Variants in PSD3 observed in about 807,000 individuals in gnomAD.
PSD3 encodes the protein pleckstrin and Sec7 domain containing 3.
Under a neutral mutation model 105.5 loss-of-function variants are expected in PSD3, and 49 were observed. The ratio of observed to expected loss-of-function variants is 0.46; its 90% confidence interval spans 0.37 to 0.59. PSD3 has a LOEUF of 0.59. PSD3 is among the 20% of genes least tolerant of loss of function. The pLI, the probability that PSD3 is intolerant of heterozygous loss-of-function variation, is 0.00. For missense variants in PSD3, 1,561 were observed against 1,263.8 expected, an observed-to-expected ratio of 1.24 and a Z score of -3.57; for synonymous variants, 557 against 457.8, an observed-to-expected ratio of 1.22 and a Z score of -2.77.
At chr8:19,048,900 C>G (rs1828419270) in intron 1 of PSD3, among the ~76,000 whole-genome samples, 1 of 152,158 alleles carries the variant, frequency 6.6e-6, no homozygotes, top group Non-Finnish European at 1.5e-5. Flanking sequence ...AGGCCAAGAT[C>G]AAGGCATTGG....
chr8:18,644,607 G>A (rs747188683), intron 10 of PSD3, among the ~76,000 whole-genome samples: 3 of 152,116 alleles, frequency 2.0e-5, no homozygotes, highest in African/African-American at 7.2e-5. Context: ...GTCCCAGATG[G>A]TCCTTAAATT....
chr8:18,546,932 G>C (rs1338400274), intron 15 of PSD3, among the ~76,000 whole-genome samples: 1 of 152,158 alleles, frequency 6.6e-6, no homozygotes, highest in Non-Finnish European at 1.5e-5. Context: ...ATATTTGCTG[G>C]CTTGTACCTC....
intron 1 of PSD3, among the ~76,000 whole-genome samples, chr8:18,970,153 A>G (rs1024425884): frequency 6.6e-6 from 1 of 151,224 alleles, no homozygotes; most frequent in Admixed American, 6.6e-5. Context: ...GTGAAACCCC[A>G]TCTCTACTAA....
intron 1 of PSD3, among the ~76,000 whole-genome samples, chr8:18,957,745 C>T (rs1319469362): frequency 1.3e-5 from 2 of 152,224 alleles, no homozygotes; most frequent in Non-Finnish European, 2.9e-5. Flanking sequence ...TCTTATGAGG[C>T]TCTCTAGCAG....
At chr8:18,573,057 G>A (rs190395088) in intron 13 of PSD3, among the ~76,000 whole-genome samples, 1 of 152,308 alleles carries the variant, frequency 6.6e-6, no homozygotes, top group East Asian at 1.9e-4. Flanking sequence ...ATTGGTAGAG[G>A]GAAGGTAAAA....
At chr8:18,790,077 G>A (rs1258904736) in intron 8 of PSD3, among the ~76,000 whole-genome samples, 1 of 152,058 alleles carries the variant, frequency 6.6e-6, no homozygotes, top group Non-Finnish European at 1.5e-5. Context: ...AGAGGGTGGG[G>A]AAAGGGGACA....
chr8:18,984,143 T>C (rs1160459100), intron 1 of PSD3, among the ~76,000 whole-genome samples: 1 of 149,974 alleles, frequency 6.7e-6, no homozygotes, highest in Non-Finnish European at 1.5e-5. Context: ...AGTGGGAAAA[T>C]GATGCTGAAA....
chr8:18,744,958 T>A (rs534720609), intron 9 of PSD3, among the ~76,000 whole-genome samples: 122 of 152,264 alleles, frequency 8.0e-4, no homozygotes, highest in Non-Finnish European at 1.4e-3. Flanking sequence ...TATCTTGCAA[T>A]TTGGGTTTGG....
At chr8:18,874,150 A>T (rs1241967375) in intron 2 of PSD3, among the ~76,000 whole-genome samples, 2 of 151,592 alleles carry the variant, frequency 1.3e-5, no homozygotes, top group African/African-American at 2.4e-5. Flanking sequence ...TACCATTTTT[A>T]TTTTATTTTA....
At chr8:18,994,350 A>C (rs1825952435) in intron 1 of PSD3, among the ~76,000 whole-genome samples, 1 of 152,110 alleles carries the variant, frequency 6.6e-6, no homozygotes, top group Non-Finnish European at 1.5e-5. Context: ...GGTAGATTTT[A>C]AGATTACTGT....
At chr8:18,588,692 T>A (rs917246177) in intron 12 of PSD3, among the ~76,000 whole-genome samples, 3 of 152,210 alleles carry the variant, frequency 2.0e-5, no homozygotes, top group Non-Finnish European at 4.4e-5. Context: ...AGCAACCTTC[T>A]TGGAGCTCTA....
intron 1 of PSD3, among the ~76,000 whole-genome samples, chr8:18,943,051 A>G (rs1357854179): frequency 1.3e-5 from 2 of 152,198 alleles, no homozygotes; most frequent in Non-Finnish European, 2.9e-5. Context: ...ACAGCGATGT[A>G]TAATACTCTA....
chr8:18,728,802 C>T (rs1191765214), intron 9 of PSD3, among the ~76,000 whole-genome samples: 22 of 17,566 alleles, frequency 1.3e-3, no homozygotes, highest in African/African-American at 6.2e-3. Context: ...CTTTATATGT[C>T]AATTTTGAAA....
chr8:18,595,763 T>A (rs906431260), intron 12 of PSD3, among the ~76,000 whole-genome samples: 1 of 151,996 alleles, frequency 6.6e-6, no homozygotes, highest in Non-Finnish European at 1.5e-5. Context: ...CGTAAATATA[T>A]AGAGTAAACA....
intron 4 of PSD3, among the ~76,000 whole-genome samples, chr8:18,842,224 C>G (rs1210436405): frequency 6.6e-6 from 1 of 152,246 alleles, no homozygotes; most frequent in African/African-American, 2.4e-5. Context: ...CACAGCTACT[C>G]TATGCGACAT....
chr8:18,718,102 G>A (rs1033927016), intron 9 of PSD3, among the ~76,000 whole-genome samples: 3 of 152,132 alleles, frequency 2.0e-5, no homozygotes, highest in Admixed American at 6.5e-5. Context: ...CTGCCCTAGT[G>A]AGCCCTTGAA....
At chr8:18,568,166 T>A (rs1801909398) in intron 14 of PSD3, among the ~76,000 whole-genome samples, 1 of 152,146 alleles carries the variant, frequency 6.6e-6, no homozygotes. Context: ...AAACCTCTCT[T>A]CTTTCTAAAT....
At chr8:18,914,063 G>C (rs148570056) in intron 2 of PSD3, among the ~76,000 whole-genome samples, 1,793 of 152,074 alleles carry the variant, frequency 0.012, 8 homozygotes, top group Non-Finnish European at 0.019. Flanking sequence ...CAAACCCCAG[G>C]GGAGCCAGGA....
chr8:18,644,978 T>C (rs923757178), intron 10 of PSD3, among the ~76,000 whole-genome samples: 2 of 152,192 alleles, frequency 1.3e-5, no homozygotes, highest in African/African-American at 4.8e-5. Flanking sequence ...CTCTTGTGCT[T>C]TGCTGCCCTT....
Sources: allele counts gnomAD v4.1 joint callset (sites outside exome capture counted in the v4.1 genomes callset), GRCh38; gene constraint gnomAD v4.1.1; transcripts MANE v1.5; gene names NCBI Gene and HGNC (gene_info 2026-07-23, HGNC 2026-07-21).